The following CDH10 variants were observed in gnomAD, a reference collection of about 807,000 sequenced individuals.
The protein encoded by CDH10 is cadherin 10.
CDH10 carries 30 observed loss-of-function variants against 73.1 expected under a neutral mutation model. The observed-to-expected ratio is 0.41, with a 90% CI of 0.31 to 0.56. The LOEUF (loss-of-function observed/expected upper bound fraction) is 0.56. CDH10 is among the 20% of genes least tolerant of loss of function. The probability of loss-of-function intolerance (pLI) is 0.27; values close to 1 mark genes in which losing one functional copy is unlikely to be tolerated. For synonymous variants in CDH10, 345 were observed against 348.2 expected, an observed-to-expected ratio of 0.99 and a Z score of 0.10; for missense variants, 815 against 973.7, an observed-to-expected ratio of 0.84 and a Z score of 2.17.
intron 5 of CDH10, among the ~76,000 whole-genome samples, chr5:24,526,159 C>A (rs1284526089): frequency 6.6e-6 from 1 of 151,886 alleles, no homozygotes; most frequent in Non-Finnish European, 1.5e-5. Flanking sequence ...TAAATTTATA[C>A]CTACTGAGGG....
At chr5:24,565,201 G>A (rs1445015142) in intron 2 of CDH10, among the ~76,000 whole-genome samples, 1 of 152,182 alleles carries the variant, frequency 6.6e-6, no homozygotes, top group East Asian at 1.9e-4. Flanking sequence ...AGGAAAGAAA[G>A]CGATGCAAAA....
intron 5 of CDH10, among the ~76,000 whole-genome samples, chr5:24,529,360 A>G (rs1308309154): frequency 1.3e-5 from 2 of 151,910 alleles, no homozygotes; most frequent in Non-Finnish European, 2.9e-5. Context: ...AAATATAATG[A>G]ATTGATGTTG....
intron 2 of CDH10, among the ~76,000 whole-genome samples, chr5:24,579,904 G>A (rs1427985327): frequency 1.3e-5 from 2 of 152,068 alleles, no homozygotes; most frequent in East Asian, 3.9e-4. Context: ...TTACTGCTAA[G>A]AGGTTCCAAT....
intron 1 of CDH10, chr5:24,611,744 G>C (rs1161106354): frequency 2.6e-5 from 4 of 152,114 alleles, no homozygotes; most frequent in Non-Finnish European, 4.4e-5. Context: ...CAAAGGTGAA[G>C]AGATACATTC....
At chr5:24,534,148 G>T (rs894801699) in intron 5 of CDH10, among the ~76,000 whole-genome samples, 1 of 151,870 alleles carries the variant, frequency 6.6e-6, no homozygotes, top group Admixed American at 6.6e-5. Flanking sequence ...TTAATATAAA[G>T]ATAAATATTA....
chr5:24,573,625 CGGGAGGCGGAG>C (rs1163555777), intron 2 of CDH10, among the ~76,000 whole-genome samples: 1 of 148,404 alleles, frequency 6.7e-6, no homozygotes, highest in African/African-American at 2.5e-5. Context: ...GGCGTGAACC[CGGGAGGCGGAG>C]CTTGCAGTGA....
intron 5 of CDH10, among the ~76,000 whole-genome samples, chr5:24,525,764 A>G (rs1743507680): frequency 6.6e-6 from 1 of 152,080 alleles, no homozygotes; most frequent in South Asian, 2.1e-4. Flanking sequence ...TGGGCATTTA[A>G]GTTAAATTAG....
chr5:24,587,344 T>C (rs187487637), intron 2 of CDH10, among the ~76,000 whole-genome samples: 100 of 152,282 alleles, frequency 6.6e-4, no homozygotes, highest in Middle Eastern at 3.4e-3. Flanking sequence ...TCTCTTTCAT[T>C]TACTTTATAG....
chr5:24,549,019 C>T (rs115931441), intron 2 of CDH10, among the ~76,000 whole-genome samples: 6 of 152,032 alleles, frequency 3.9e-5, no homozygotes, highest in African/African-American at 1.4e-4. Context: ...ACTGAAAATA[C>T]AATATCTGAC....
chr5:24,616,840 A>G (rs903154398), intron 1 of CDH10, among the ~76,000 whole-genome samples: 2 of 152,192 alleles, frequency 1.3e-5, no homozygotes, highest in African/African-American at 4.8e-5. Flanking sequence ...ACTGGTCCTC[A>G]GAGTGCATAT....
intron 8 of CDH10, among the ~76,000 whole-genome samples, chr5:24,502,076 C>A (rs558142069): frequency 2.9e-5 from 4 of 139,904 alleles, no homozygotes; most frequent in African/African-American, 9.7e-5. Flanking sequence ...CCCGCCACTA[C>A]GTCCGGCTCA....
At chr5:24,538,094 G>A (rs1744024075) in intron 2 of CDH10, among the ~76,000 whole-genome samples, 1 of 151,928 alleles carries the variant, frequency 6.6e-6, no homozygotes, top group African/African-American at 2.4e-5. Flanking sequence ...CTTGTTATTA[G>A]CTATCATATT....
chr5:24,520,893 A>AT (rs11459094), intron 5 of CDH10, among the ~76,000 whole-genome samples: 72,362 of 149,736 alleles, frequency 0.48, 17,419 homozygotes, highest in East Asian at 0.58. Context: ...CACCCGGCAA[A>AT]TTTTTTTTTT....
Position 24,534,699 on chromosome 5 carries a change from T to C in CDH10, c.814+413A>G, listed in dbSNP as rs533136736. Among the ~76,000 whole-genome samples the C allele has an allele frequency of 4.3e-4, 65 of 152,246 alleles. 1 individual carries two copies. The highest frequency in any genetic ancestry group is 1.3e-4 in the Non-Finnish European group (9 of 67,998). On this transcript the variant is annotated intron_variant, in intron 5 of 11. Coordinates refer to ENST00000264463, the MANE Select transcript of CDH10 (RefSeq NM_006727.5). Reference sequence around the variant, plus strand: ...CTTATAATTTGTCAAATTAGATTTTTTGTCGAAAAAAATTGTCCTCAATTT... The same window carrying C: ...CTTATAATTTGTCAAATTAGATTTTCTGTCGAAAAAAATTGTCCTCAATTT...
chr5:24,498,815 A>C (rs1742386350), intron 8 of CDH10, among the ~76,000 whole-genome samples: 1 of 152,204 alleles, frequency 6.6e-6, no homozygotes, highest in Admixed American at 6.5e-5. Context: ...CCAAATATAT[A>C]AAATAAGAAC....
intron 8 of CDH10, among the ~76,000 whole-genome samples, chr5:24,499,964 A>C (rs985177217): frequency 4.6e-5 from 7 of 152,296 alleles, no homozygotes; most frequent in African/African-American, 1.7e-4. Context: ...GCTGAAGAGC[A>C]ATATAATGCA....
intron 5 of CDH10, among the ~76,000 whole-genome samples, chr5:24,514,602 G>C (rs1743041374): frequency 6.6e-6 from 1 of 151,974 alleles, no homozygotes; most frequent in African/African-American, 2.4e-5. Context: ...TTACTCCTTA[G>C]CAAAGGTGAC....
intron 1 of CDH10, among the ~76,000 whole-genome samples, chr5:24,604,491 A>T (rs890661033): frequency 2.6e-5 from 4 of 152,182 alleles, no homozygotes; most frequent in Non-Finnish European, 1.5e-5. Context: ...CTAAATCATG[A>T]CACATAAAAG....
At chr5:24,601,594 G>A (rs1746566952) in intron 1 of CDH10, among the ~76,000 whole-genome samples, 1 of 152,024 alleles carries the variant, frequency 6.6e-6, no homozygotes, top group Non-Finnish European at 1.5e-5. Context: ...AAGAATACTA[G>A]TTCAAAACAT....
Sources: allele counts gnomAD v4.1 joint callset (sites outside exome capture counted in the v4.1 genomes callset), GRCh38; gene constraint gnomAD v4.1.1; transcripts MANE v1.5; gene names NCBI Gene and HGNC (gene_info 2026-07-23, HGNC 2026-07-21).